CADM2: variants seen among roughly 807,000 people sequenced by gnomAD.
CADM2 encodes the protein cell adhesion molecule 2, also known as immunoglobulin superfamily member 4D.
CADM2 carries 12 observed loss-of-function variants against 49.8 expected under a neutral mutation model. That is an observed-to-expected ratio of 0.24 (90% CI 0.15 to 0.39). The LOEUF (loss-of-function observed/expected upper bound fraction) is 0.39, where lower values mean the gene tolerates loss of function less well. CADM2 is among the 10% of genes least tolerant of loss of function. CADM2 has a pLI of 1.00. For synonymous variants in CADM2, 214 were observed against 175.4 expected (o/e 1.22, Z -1.74); for missense variants, 378 against 492.3 (o/e 0.77, Z 2.20).
chr3:85,787,084 A>G (rs1442009079), intron 2 of CADM2, among the ~76,000 whole-genome samples: 3 of 152,062 alleles, frequency 2.0e-5, no homozygotes, highest in Non-Finnish European at 2.9e-5. Flanking sequence ...TTTTCTCCCA[A>G]AAAAATATTG....
At chr3:85,541,074 T>C (rs1357848364) in intron 1 of CADM2, among the ~76,000 whole-genome samples, 1 of 151,768 alleles carries the variant, frequency 6.6e-6, no homozygotes, top group Admixed American at 6.6e-5. Flanking sequence ...TACAATTCAG[T>C]CCACAATTCA....
At chr3:85,164,158 C>T (rs568087611) in intron 1 of CADM2, among the ~76,000 whole-genome samples, 2 of 152,002 alleles carry the variant, frequency 1.3e-5, no homozygotes, top group Non-Finnish European at 2.9e-5. Context: ...ATTTTTCTTG[C>T]TATCTTTCTT....
intron 1 of CADM2, among the ~76,000 whole-genome samples, chr3:85,665,259 A>C (rs1483737175): frequency 2.0e-5 from 3 of 152,078 alleles, no homozygotes; most frequent in Non-Finnish European, 4.4e-5. Flanking sequence ...CTCATAATAC[A>C]TTTAAGATTT....
chr3:85,188,695 G>A (rs185454019), intron 1 of CADM2, among the ~76,000 whole-genome samples: 166 of 151,956 alleles, frequency 1.1e-3, no homozygotes, highest in African/African-American at 3.9e-3. Context: ...TTTTCTAAGC[G>A]TGAAAATCCC....
At chr3:85,787,875 G>T (rs2071087654) in intron 2 of CADM2, among the ~76,000 whole-genome samples, 1 of 152,082 alleles carries the variant, frequency 6.6e-6, no homozygotes, top group South Asian at 2.1e-4. Context: ...TGTCTGTTGT[G>T]TGCCAGTCCT....
chr3:86,010,928 T>G (rs553830992), intron 8 of CADM2, among the ~76,000 whole-genome samples: 62 of 151,950 alleles, frequency 4.1e-4, no homozygotes, highest in African/African-American at 1.4e-3. Context: ...AAAATCTATA[T>G]GAAATAAATA....
At chr3:85,770,480 T>A (rs71316813) in intron 2 of CADM2, among the ~76,000 whole-genome samples, 6 of 151,954 alleles carry the variant, frequency 3.9e-5, no homozygotes, top group African/African-American at 1.5e-4. Context: ...CCACTAGCTG[T>A]TTTATTATTA....
intron 1 of CADM2, among the ~76,000 whole-genome samples, chr3:85,496,110 C>T (rs746838441): frequency 6.6e-6 from 1 of 152,058 alleles, no homozygotes; most frequent in Non-Finnish European, 1.5e-5. Flanking sequence ...GGATGTATTG[C>T]GTTGTGCTGA....
At chr3:86,033,802 T>G (rs2107173119) in intron 8 of CADM2, among the ~76,000 whole-genome samples, 1 of 146,946 alleles carries the variant, frequency 6.8e-6, no homozygotes, top group East Asian at 2.0e-4. Context: ...GCATATAGTA[T>G]ATATAATATA....
intron 1 of CADM2, among the ~76,000 whole-genome samples, chr3:85,067,812 TA>T (rs1295649001): frequency 2.6e-5 from 4 of 152,204 alleles, no homozygotes; most frequent in Non-Finnish European, 1.5e-5. Context: ...GTTTCTTTAT[TA>T]AAAAATCATT....
At chr3:85,138,896 A>G (rs1383234661) in intron 1 of CADM2, among the ~76,000 whole-genome samples, 1 of 152,204 alleles carries the variant, frequency 6.6e-6, no homozygotes, top group Non-Finnish European at 1.5e-5. Flanking sequence ...TTATGATTCT[A>G]AAGGCCAGCT....
At chr3:86,065,566 A>G (rs775666749) in intron 8 of CADM2, 39 bp from the exon 9 acceptor site, 9 of 1,582,126 alleles carry the variant, frequency 5.7e-6, no homozygotes, top group Non-Finnish European at 7.7e-6. Context: ...GTGACTAAAT[A>G]ACACATTAAA....
chr3:85,316,780 T>C lies in CADM2; in HGVS notation c.61+357112T>C, dbSNP rs189027460. 1.8e-3 allele frequency among the ~76,000 whole-genome samples: 274 copies of C among 152,250 alleles called. 1 individual carries two copies. Among genetic ancestry groups the C allele is most frequent in the African/African-American group, 6.4e-3 (264 of 41,550 alleles). On this transcript the variant is annotated intron_variant, in intron 1 of 9. Coordinates refer to ENST00000383699, the MANE Select transcript of CADM2 (RefSeq NM_001167675.2). Reference sequence around the variant, plus strand: ...GACATATACTAGCTCCCAATCCATTTATGTAGAAATATGAGATAAAATATA... The same window carrying C: ...GACATATACTAGCTCCCAATCCATTCATGTAGAAATATGAGATAAAATATA...
chr3:86,027,625 C>T (rs1734052933), intron 8 of CADM2, among the ~76,000 whole-genome samples: 1 of 152,084 alleles, frequency 6.6e-6, no homozygotes, highest in Non-Finnish European at 1.5e-5. Flanking sequence ...ATTGAAATGA[C>T]TCACCATGTT....
intron 6 of CADM2, among the ~76,000 whole-genome samples, chr3:85,916,878 G>A (rs1159020276): frequency 6.6e-6 from 1 of 152,052 alleles, no homozygotes; most frequent in Non-Finnish European, 1.5e-5. Flanking sequence ...CTGGTGTGAG[G>A]TGGTATCTCA....
intron 1 of CADM2, among the ~76,000 whole-genome samples, chr3:85,189,410 G>A (rs903033166): frequency 5.9e-5 from 9 of 151,886 alleles, no homozygotes; most frequent in Admixed American, 1.3e-4. Context: ...AGTGAACCAG[G>A]GATTTGAGGC....
intron 1 of CADM2, among the ~76,000 whole-genome samples, chr3:85,446,399 T>C (rs1421351631): frequency 1.3e-5 from 2 of 152,164 alleles, no homozygotes; most frequent in African/African-American, 2.4e-5. Context: ...CCATGGTCAA[T>C]AGCATCTTTC....
intron 1 of CADM2, among the ~76,000 whole-genome samples, chr3:85,423,806 T>C (rs974712012): frequency 3.3e-5 from 5 of 152,218 alleles, no homozygotes; most frequent in African/African-American, 9.6e-5. Flanking sequence ...TGTTTATGAA[T>C]CTAATTACAG....
intron 1 of CADM2, among the ~76,000 whole-genome samples, chr3:85,608,328 A>G (rs923378354): frequency 6.6e-6 from 1 of 152,154 alleles, no homozygotes; most frequent in African/African-American, 2.4e-5. Flanking sequence ...TTAAGTCGCT[A>G]TGGGTAGATT....
Sources: gnomAD v4.1 joint callset for allele counts (sites outside exome capture counted in the v4.1 genomes callset) on GRCh38, gnomAD v4.1.1 for gene constraint, MANE v1.5 for transcripts, NCBI Gene and HGNC (gene_info 2026-07-23, HGNC 2026-07-21) for gene names.